SLC36A2: variants seen among roughly 807,000 people sequenced by gnomAD.
The protein encoded by SLC36A2 is solute carrier family 36 member 2.
Under a neutral mutation model 42.7 loss-of-function variants are expected in SLC36A2, and 39 were observed. The observed-to-expected ratio is 0.91, with a 90% CI of 0.71 to 1.19. The LOEUF (loss-of-function observed/expected upper bound fraction) is 1.19. SLC36A2 is among the 50% of genes most tolerant of loss of function. The probability of loss-of-function intolerance (pLI) is 0.00; values close to 1 mark genes in which losing one functional copy is unlikely to be tolerated. For synonymous variants in SLC36A2, 237 were observed against 240.8 expected (o/e 0.98, Z 0.15); for missense variants, 590 against 613.7 (o/e 0.96, Z 0.41).
Position 151,344,230 on chromosome 5 carries a change from T to A in SLC36A2, c.202A>T (p.Met68Leu). 3 of 1,614,184 alleles carry A rather than the reference T, an allele frequency of 1.9e-6. No homozygotes were observed. In the East Asian group the frequency reaches 6.7e-5, roughly 36 times the overall value. ...GGTAGTCCCAGGATCCCTGTGCCCA[T>A]GTTGCCTTTCACCAGGTGAATCAAG... is the stretch of plus-strand genomic sequence containing the variant. ...QALIHLVKGN[M>L]GTGILGLPLA... The change falls in exon 2 of 10, where the codon ATG (methionine) becomes TTG (leucine). Residue 68 changes from methionine (M) to leucine (L), a missense_variant. Transcript: ENST00000335244.
chr5:151,343,244 T>C (rs1024480307), intron 3 of SLC36A2, among the ~76,000 whole-genome samples: 1 of 152,170 alleles, frequency 6.6e-6, no homozygotes, highest in Non-Finnish European at 1.5e-5. Flanking sequence ...CATGATCCCA[T>C]TGGATTCTCG....
At chr5:151,336,413 G>A (rs1756155571) in intron 5 of SLC36A2, among the ~76,000 whole-genome samples, 1 of 149,204 alleles carries the variant, frequency 6.7e-6, no homozygotes, top group South Asian at 2.1e-4. Flanking sequence ...TTAGTGGAAG[G>A]TAATATCCTT....
intron 4 of SLC36A2, among the ~76,000 whole-genome samples, chr5:151,339,932 G>C (rs1030826271): frequency 6.6e-6 from 1 of 152,122 alleles, no homozygotes; most frequent in African/African-American, 2.4e-5. Context: ...AAGGGCCATG[G>C]TGAAAAGGGC....
chr5:151,341,104 A>G (rs1019748248), intron 4 of SLC36A2, among the ~76,000 whole-genome samples: 3 of 152,294 alleles, frequency 2.0e-5, no homozygotes, highest in African/African-American at 7.2e-5. Flanking sequence ...AGATACAGGA[A>G]CACATTAAAT....
At chr5:151,337,117 C>T (rs551766981) in intron 5 of SLC36A2, among the ~76,000 whole-genome samples, 23 of 152,250 alleles carry the variant, frequency 1.5e-4, no homozygotes, top group African/African-American at 4.1e-4. Context: ...ACATTAGTTA[C>T]GTACTCAAGG....
At chr5:151,333,594 G>A (rs1185995497) in intron 6 of SLC36A2, among the ~76,000 whole-genome samples, 4 of 152,198 alleles carry the variant, frequency 2.6e-5, no homozygotes, top group African/African-American at 9.6e-5. Context: ...GCCGGGTGCA[G>A]TGGCTTAACC....
At chr5:151,330,957 C>G (rs765271429) in intron 7 of SLC36A2, among the ~76,000 whole-genome samples, 1 of 152,088 alleles carries the variant, frequency 6.6e-6, no homozygotes, top group Non-Finnish European at 1.5e-5. Context: ...GTAATCAAAA[C>G]TGTGTGGTTC....
chr5:151,343,234 C>G (rs1227599088), intron 3 of SLC36A2, among the ~76,000 whole-genome samples: 1 of 152,110 alleles, frequency 6.6e-6, no homozygotes, highest in African/African-American at 2.4e-5. Flanking sequence ...TTTTCATATC[C>G]ATGATCCCAT....
rs1446262428 is a variant in SLC36A2 at position 151,346,894 on chromosome 5, A to AC, written c.164+402dup. Among the ~76,000 whole-genome samples, 3 of 152,300 alleles carry AC rather than the reference A, an allele frequency of 2.0e-5. No individual in the cohort carries two copies. The East Asian group carries it at 5.8e-4, about 29-fold the overall frequency. Reference sequence around the variant, plus strand: ...GAAATACTTAGTGGTCAGTGAGGCCACTGTGGTTTTAAGCTCAGGACTCAC... The same window carrying AC: ...GAAATACTTAGTGGTCAGTGAGGCCACCTGTGGTTTTAAGCTCAGGACTCAC... On this transcript the variant is annotated intron_variant, in intron 1 of 9. Coordinates refer to ENST00000335244, the MANE Select transcript of SLC36A2 (RefSeq NM_181776.3).
chr5:151,335,178 A>G, intron 6 of SLC36A2, 151 bp downstream of exon 6: 1 of 652,904 alleles, frequency 1.5e-6, no homozygotes, highest in Non-Finnish European at 2.8e-6. Flanking sequence ...GCACGGAGAC[A>G]TCCTTGTAGA....
At chr5:151,324,155 T>A (rs1755784404) in intron 8 of SLC36A2, among the ~76,000 whole-genome samples, 1 of 152,134 alleles carries the variant, frequency 6.6e-6, no homozygotes, top group Non-Finnish European at 1.5e-5. Flanking sequence ...GTTTGTTTGT[T>A]TGTTTGTTTG....
chr5:151,325,524 G>T, intron 7 of SLC36A2, 72 bp from the exon 8 acceptor site: 1 of 1,481,142 alleles, frequency 6.8e-7, no homozygotes, highest in Non-Finnish European at 9.3e-7. Flanking sequence ...TTCCACTTCT[G>T]GATGTCTACC....
intron 5 of SLC36A2, among the ~76,000 whole-genome samples, chr5:151,336,391 C>A (rs1158563050): frequency 6.6e-6 from 1 of 150,646 alleles, no homozygotes; most frequent in Non-Finnish European, 1.5e-5. Flanking sequence ...TCCCTCAGAT[C>A]TGCTTTTTAA....
At chr5:151,335,766 C>T (rs370431443) in intron 5 of SLC36A2, among the ~76,000 whole-genome samples, 6 of 152,134 alleles carry the variant, frequency 3.9e-5, no homozygotes, top group African/African-American at 1.4e-4. Context: ...CAGTGGCTCA[C>T]GCCTGTAATC....
chr5:151,329,653 T>G (rs1169392615), intron 7 of SLC36A2, among the ~76,000 whole-genome samples: 1 of 149,940 alleles, frequency 6.7e-6, no homozygotes, highest in Non-Finnish European at 1.5e-5. Flanking sequence ...TAAGAAAAAT[T>G]TAAATAACTG....
At chr5:151,339,195 C>T in intron 4 of SLC36A2, 51 bp from the exon 5 acceptor site, 3 of 1,420,150 alleles carry the variant, frequency 2.1e-6, no homozygotes, top group African/African-American at 2.8e-5. Flanking sequence ...AATAAGTCAA[C>T]TTGTCAGTTC....
intron 7 of SLC36A2, among the ~76,000 whole-genome samples, chr5:151,331,475 C>T (rs1245111954): frequency 6.7e-6 from 1 of 149,434 alleles, no homozygotes; most frequent in Non-Finnish European, 1.5e-5. Context: ...GCCACTACAC[C>T]CAGCTAATTA....
In SLC36A2 at chr5:151,347,308, G is replaced by A. The variant is rs35215996; in HGVS notation, c.153C>T (p.Thr51=). ...SPSESAGLKK[T]KGITVFQALI... ...AAAACAGCACTCACGTTATGCCCTTGGTCTTCTTCAAGCCTGCTGACTCTG... is the reference window on the plus strand; with the variant it reads ...AAAACAGCACTCACGTTATGCCCTTAGTCTTCTTCAAGCCTGCTGACTCTG... The change falls in exon 1 of 10, where the codon ACC becomes ACT. Residue 51 remains threonine (T), a synonymous_variant. Transcript: ENST00000335244. The A allele has an allele frequency of 0.011, 18,538 of 1,613,954 alleles. 1,724 individuals carry two copies. In the African/African-American group the frequency reaches 0.21, roughly 18 times the overall value.
chr5:151,315,763 C>G lies in SLC36A2; in HGVS notation c.*1054G>C, dbSNP rs530223206. 2 of 152,330 alleles carry G rather than the reference C, an allele frequency of 1.3e-5. No homozygotes were observed. The highest frequency in any genetic ancestry group is 4.8e-5 in the African/African-American group (2 of 41,578). 9.4% of individuals were successfully genotyped at this position (152,330 alleles called of 1,614,324 possible). Reference sequence around the variant, plus strand: ...AATTTATGGTCATTTTTGCAATATTCTACAAAATCTTGTTTGGCACACAGT... The same window carrying G: ...AATTTATGGTCATTTTTGCAATATTGTACAAAATCTTGTTTGGCACACAGT... On this transcript the variant is annotated 3_prime_UTR_variant, in exon 10 of 10. Transcript: ENST00000335244.
Sources: gnomAD v4.1 joint callset for allele counts (sites outside exome capture counted in the v4.1 genomes callset) on GRCh38, gnomAD v4.1.1 for gene constraint, MANE v1.5 for transcripts, NCBI Gene and HGNC (gene_info 2026-07-23, HGNC 2026-07-21) for gene names.